Variants in TOP6BL observed in about 807,000 individuals in gnomAD.
TOP6BL encodes TOP6B like initiator of meiotic double strand breaks.
the TOP6BL span, among the ~76,000 whole-genome samples, chr11:66,776,268 A>G: frequency 6.6e-6 from 1 of 152,054 alleles, no homozygotes; most frequent in African/African-American, 2.4e-5. Flanking sequence ...CATGTTGGCC[A>G]GCCTGGTCTT....
chr11:66,758,302 C>CTTCTTTTTTTTT, the TOP6BL span: 1 of 67,320 alleles, frequency 1.5e-5, no homozygotes, highest in African/African-American at 7.1e-5. Context: ...TTTTCTTTTT[C>CTTCTTTTTTTTT]TTTTTTTTTT....
chr11:66,769,496 A>G, the TOP6BL span, among the ~76,000 whole-genome samples: 1 of 151,630 alleles, frequency 6.6e-6, no homozygotes, highest in African/African-American at 2.4e-5. Flanking sequence ...CAAAACTCAG[A>G]AAAAAAAGGT....
the TOP6BL span, among the ~76,000 whole-genome samples, chr11:66,825,538 T>C: frequency 1.3e-5 from 2 of 150,904 alleles, no homozygotes; most frequent in East Asian, 3.9e-4. Context: ...CCTTCTGCCA[T>C]GTGAGGACAC....
At chr11:66,766,931 C>T in the TOP6BL span, among the ~76,000 whole-genome samples, 2 of 152,198 alleles carry the variant, frequency 1.3e-5, no homozygotes, top group East Asian at 1.9e-4. Flanking sequence ...TTGACATACT[C>T]ATAATTCTCC....
At chr11:66,812,672 C>G in the TOP6BL span, among the ~76,000 whole-genome samples, 1 of 152,112 alleles carries the variant, frequency 6.6e-6, no homozygotes, top group Non-Finnish European at 1.5e-5. Flanking sequence ...AGGATGAAAA[C>G]GAATGAAAGA....
the TOP6BL span, chr11:66,756,283 C>A: frequency 9.0e-7 from 1 of 1,107,394 alleles, no homozygotes; most frequent in Non-Finnish European, 1.1e-6. Context: ...CCAGTGTGGA[C>A]TATGAAACAT....
chr11:66,841,277 C>T, the TOP6BL span, among the ~76,000 whole-genome samples: 1 of 151,950 alleles, frequency 6.6e-6, no homozygotes, highest in Non-Finnish European at 1.5e-5. Flanking sequence ...ACCACCATGC[C>T]CAGCTAATTT....
the TOP6BL span, chr11:66,758,052 A>T: frequency 4.0e-6 from 3 of 746,812 alleles, no homozygotes; most frequent in African/African-American, 5.8e-5. Context: ...TGAGGGATAG[A>T]TATATTTCTA....
the TOP6BL span, among the ~76,000 whole-genome samples, chr11:66,811,014 C>A: frequency 6.7e-6 from 1 of 149,822 alleles, no homozygotes; most frequent in East Asian, 2.0e-4. Context: ...AGTGCAGTGG[C>A]TTGATCTTAG....
At chr11:66,784,016 G>T in the TOP6BL span, among the ~76,000 whole-genome samples, 7 of 151,274 alleles carry the variant, frequency 4.6e-5, no homozygotes, top group Admixed American at 3.3e-4. Context: ...GTTTTTTTTG[G>T]TTTTTGTTTT....
At chr11:66,813,501 G>A in the TOP6BL span, among the ~76,000 whole-genome samples, 2 of 152,220 alleles carry the variant, frequency 1.3e-5, no homozygotes, top group African/African-American at 2.4e-5. Context: ...TTGGGAGGCC[G>A]AGGTGGGCAG....
chr11:66,828,509 T>C, the TOP6BL span: 1 of 620,964 alleles, frequency 1.6e-6, no homozygotes, highest in Non-Finnish European at 2.8e-6. Context: ...AACAAAATCA[T>C]CTGTTTTCTA....
the TOP6BL span, among the ~76,000 whole-genome samples, chr11:66,769,962 G>C: frequency 6.6e-6 from 1 of 151,960 alleles, no homozygotes; most frequent in South Asian, 2.1e-4. Flanking sequence ...AGCCAGGATG[G>C]TCTCAAACTC....
chr11:66,780,848 C>T, the TOP6BL span, among the ~76,000 whole-genome samples: 28 of 152,148 alleles, frequency 1.8e-4, no homozygotes, highest in Non-Finnish European at 2.9e-4. Flanking sequence ...TCCCAAAGTG[C>T]TGGGATTATA....
the TOP6BL span, among the ~76,000 whole-genome samples, chr11:66,833,872 T>TA: frequency 1.3e-5 from 2 of 151,686 alleles, no homozygotes; most frequent in Admixed American, 1.3e-4. Context: ...CGCTTGAATC[T>TA]AGGGGGCGGA....
At chr11:66,822,751 C>T in the TOP6BL span, 3 of 1,035,818 alleles carry the variant, frequency 2.9e-6, no homozygotes, top group Non-Finnish European at 4.4e-6. Flanking sequence ...TGCCTATAAT[C>T]GCAGCACTTT....
chr11:66,806,803 C>T, the TOP6BL span, among the ~76,000 whole-genome samples: 5 of 152,118 alleles, frequency 3.3e-5, no homozygotes, highest in Non-Finnish European at 7.3e-5. Flanking sequence ...TGATAGATGT[C>T]AGCTATCTGA....
At chr11:66,814,409 C>A in the TOP6BL span, among the ~76,000 whole-genome samples, 1 of 152,114 alleles carries the variant, frequency 6.6e-6, no homozygotes, top group African/African-American at 2.4e-5. Context: ...CAGGTGCCTA[C>A]CACCATGCCT....
the TOP6BL span, chr11:66,843,327 C>T: frequency 6.6e-6 from 10 of 1,507,214 alleles, no homozygotes; most frequent in Non-Finnish European, 8.8e-6. Flanking sequence ...CTCACCAAGT[C>T]CTCTTCCGCG....
Sources: allele counts gnomAD v4.1 joint callset (sites outside exome capture counted in the v4.1 genomes callset), GRCh38; gene constraint gnomAD v4.1.1; transcripts MANE v1.5; gene names NCBI Gene and HGNC (gene_info 2026-07-23, HGNC 2026-07-21).